TMTC2: variants seen among roughly 807,000 people sequenced by gnomAD.
The protein encoded by TMTC2 is transmembrane O-mannosyltransferase targeting cadherins 2.
In TMTC2, 43 loss-of-function variants were observed where a neutral mutation model predicts 82.4. The ratio of observed to expected loss-of-function variants is 0.52; its 90% CI spans 0.41 to 0.67. The LOEUF is 0.67. Among genes scored for constraint, TMTC2 ranks in the 30% least tolerant of loss-of-function variants. TMTC2 has a pLI of 0.00. For synonymous variants in TMTC2, 408 were observed against 381.9 expected, an observed-to-expected ratio of 1.07 and a Z score of -0.80; for missense variants, 919 against 1,012.4, an observed-to-expected ratio of 0.91 and a Z score of 1.25.
chr12:83,008,271 A>G (rs920033865), intron 8 of TMTC2, among the ~76,000 whole-genome samples: 7 of 152,196 alleles, frequency 4.6e-5, no homozygotes, highest in Non-Finnish European at 8.8e-5. Context: ...CTCAATCATT[A>G]TAACATTAGC....
intron 2 of TMTC2, among the ~76,000 whole-genome samples, chr12:82,875,422 TATG>T (rs1565788221): frequency 1.3e-5 from 2 of 151,578 alleles, no homozygotes; most frequent in Admixed American, 1.3e-4. Context: ...CTTAGAGCAG[TATG>T]ATTTGTCCAG....
chr12:83,077,171 C>A (rs1332474768), intron 11 of TMTC2, among the ~76,000 whole-genome samples: 1 of 152,082 alleles, frequency 6.6e-6, no homozygotes, highest in Non-Finnish European at 1.5e-5. Flanking sequence ...GGCATATTGA[C>A]GTTGTTTAAG....
At chr12:83,060,460 G>A (rs891228730) in intron 10 of TMTC2, among the ~76,000 whole-genome samples, 4 of 151,578 alleles carry the variant, frequency 2.6e-5, no homozygotes, top group African/African-American at 9.7e-5. Flanking sequence ...GTTAATTTTT[G>A]TGTTCTCTTC....
chr12:82,882,924 C>T (rs1197567626), intron 2 of TMTC2, among the ~76,000 whole-genome samples: 3 of 151,778 alleles, frequency 2.0e-5, no homozygotes, highest in Non-Finnish European at 2.9e-5. Context: ...GGCGTGGTGG[C>T]GTGTGCCTAT....
At chr12:83,066,933 G>A (rs945362679) in intron 11 of TMTC2, among the ~76,000 whole-genome samples, 1 of 151,940 alleles carries the variant, frequency 6.6e-6, no homozygotes, top group Non-Finnish European at 1.5e-5. Flanking sequence ...CAAGGAAGGA[G>A]TTAGAAGAAA....
intron 11 of TMTC2, among the ~76,000 whole-genome samples, chr12:83,094,620 G>GA (rs1011845887): frequency 3.3e-5 from 5 of 152,080 alleles, no homozygotes; most frequent in African/African-American, 1.2e-4. Context: ...TATTCCAGGT[G>GA]AAAAAAGACT....
chr12:82,715,059 C>CA (rs769725700), intron 1 of TMTC2, among the ~76,000 whole-genome samples: 2 of 151,990 alleles, frequency 1.3e-5, no homozygotes, highest in Non-Finnish European at 2.9e-5. Context: ...ATCACGAGGT[C>CA]AGGAGTTCGA....
chr12:82,803,203 A>G (rs997528726), intron 1 of TMTC2, among the ~76,000 whole-genome samples: 1 of 152,154 alleles, frequency 6.6e-6, no homozygotes, highest in Non-Finnish European at 1.5e-5. Flanking sequence ...AGGCAGTTGG[A>G]AATGTGAAAG....
intron 11 of TMTC2, among the ~76,000 whole-genome samples, chr12:83,102,921 A>G (rs114301331): frequency 6.6e-6 from 1 of 152,198 alleles, no homozygotes; most frequent in African/African-American, 2.4e-5. Context: ...AATGATTTTT[A>G]TAATTACTTC....
At chr12:82,738,621 A>C (rs568876194) in intron 1 of TMTC2, among the ~76,000 whole-genome samples, 1 of 152,176 alleles carries the variant, frequency 6.6e-6, no homozygotes, top group African/African-American at 2.4e-5. Context: ...AATCACTTGG[A>C]ATAAATTGTC....
rs114032556 is a variant in TMTC2 at position 82,963,153 on chromosome 12, C to T, written c.1599-1871C>T. On this transcript the variant is annotated intron_variant, in intron 4 of 11. Coordinates refer to ENST00000321196, the MANE Select transcript of TMTC2 (RefSeq NM_152588.3). The stretch of plus-strand genomic sequence containing the variant: ...GGCATTGGTCATATACACCACAGAC[C>T]ATTCTTAAAGAAAATCTGGCTTTGA... Among the ~76,000 whole-genome samples the T allele has an allele frequency of 8.0e-3, 1,210 of 151,976 alleles. 14 individuals are homozygous for T. The highest frequency in any genetic ancestry group is 0.028 in the African/African-American group (1,164 of 41,476).
intron 11 of TMTC2, among the ~76,000 whole-genome samples, chr12:83,087,331 TG>T (rs1464430536): frequency 6.6e-6 from 1 of 152,212 alleles, no homozygotes; most frequent in Non-Finnish European, 1.5e-5. Context: ...ACTGAAATTT[TG>T]ACCCCTCGAA....
intron 8 of TMTC2, among the ~76,000 whole-genome samples, chr12:83,010,471 C>A (rs1437112454): frequency 6.6e-6 from 1 of 152,166 alleles, no homozygotes; most frequent in Non-Finnish European, 1.5e-5. Context: ...TTAGCCCTCC[C>A]ACATTCCTGT....
At chr12:83,009,644 CA>C (rs77878496) in intron 8 of TMTC2, among the ~76,000 whole-genome samples, 2,172 of 152,240 alleles carry the variant, frequency 0.014, 46 homozygotes, top group African/African-American at 0.049. Flanking sequence ...CTTTTTCCCC[CA>C]AAAAAACACT....
At position 83,050,998 on chromosome 12, in the gene TMTC2, C is replaced by T. The variant is rs746236197; in HGVS notation, c.2247C>T (p.Phe749=). Residue 749 remains phenylalanine (F), a synonymous_variant, in exon 10 of 12, where the codon TTC becomes TTT. Coordinates refer to ENST00000321196, the MANE Select transcript of TMTC2 (RefSeq NM_152588.3). ...ACAGCACAGAGTTTGATGTTGTCTT[C>T]AATGCTGCCCACATGCTCAGGTTAG... ...ELDSTEFDVV[F]NAAHMLRQAS... is the part of the protein sequence containing the mutation. 1 of 1,610,480 alleles carries T rather than the reference C, an allele frequency of 6.2e-7. No individual in the cohort carries two copies. The highest frequency in any genetic ancestry group is 1.1e-5 in the South Asian group (1 of 90,596).
intron 8 of TMTC2, among the ~76,000 whole-genome samples, chr12:83,019,778 C>T (rs34214653): frequency 0.6 from 90,805 of 151,726 alleles, 28,890 homozygotes; most frequent in East Asian, 0.84. Flanking sequence ...CCTTTCGTTG[C>T]CACTTCTCTA....
intron 11 of TMTC2, 134 bp from the exon 12 acceptor site, chr12:83,132,076 A>G: frequency 2.0e-6 from 2 of 1,002,022 alleles, no homozygotes; most frequent in Non-Finnish European, 2.8e-6. Flanking sequence ...GTTTGTATAA[A>G]TTGCTAAATT....
At chr12:83,120,754 AC>A (rs1316499771) in intron 11 of TMTC2, among the ~76,000 whole-genome samples, 1 of 151,998 alleles carries the variant, frequency 6.6e-6, no homozygotes, top group Non-Finnish European at 1.5e-5. Flanking sequence ...TGTTTTCCCA[AC>A]TTTTAGATTT....
rs1355728001 is a variant in TMTC2, at chr12:82,963,834, T to TTTCTCAC, written c.1599-1190_1599-1189insTTCTCAC. Reference sequence around the variant, plus strand: ...ATATATATATATATATATATATATATATATATATATATATATGTGAAAGTG... The same window carrying TTTCTCAC: ...ATATATATATATATATATATATATATTTCTCACATATATATATATATATGTGAAAGTG... On this transcript the variant is annotated intron_variant, in intron 4 of 11. Transcript: ENST00000321196. Among the ~76,000 whole-genome samples, 184 of 104,228 alleles carry TTTCTCAC rather than the reference T, an allele frequency of 1.8e-3. 2 individuals carry two copies. The highest frequency in any genetic ancestry group is 9.9e-3 in the African/African-American group (178 of 17,946). The allele number at this position is 104,228 out of a possible 152,430, so 68.4% of individuals were successfully genotyped here.
Sources: allele counts gnomAD v4.1 joint callset (sites outside exome capture counted in the v4.1 genomes callset), GRCh38; gene constraint gnomAD v4.1.1; transcripts MANE v1.5; gene names NCBI Gene and HGNC (gene_info 2026-07-23, HGNC 2026-07-21).